PPP1R13B: variants seen among roughly 807,000 people sequenced by gnomAD.
PPP1R13B encodes protein phosphatase 1 regulatory subunit 13B.
PPP1R13B carries 44 observed loss-of-function variants against 119.8 expected under a neutral mutation model. The observed-to-expected ratio is 0.37, with a 90% CI of 0.29 to 0.47. PPP1R13B has a LOEUF of 0.47. Among genes scored for constraint, PPP1R13B ranks in the 20% least tolerant of loss-of-function variants. PPP1R13B has a pLI of 0.99. For synonymous variants in PPP1R13B, 542 were observed against 561.5 expected, an observed-to-expected ratio of 0.97 and a Z score of 0.49; for missense variants, 1,227 against 1,413.5, an observed-to-expected ratio of 0.87 and a Z score of 2.12.
chr14:103,844,021 CT>C (rs1271993147), intron 1 of PPP1R13B, among the ~76,000 whole-genome samples: 1 of 151,798 alleles, frequency 6.6e-6, no homozygotes, highest in Non-Finnish European at 1.5e-5. Flanking sequence ...AATCCCAGCA[CT>C]TTGGGAGGCT....
intron 4 of PPP1R13B, chr14:103,759,441 C>T (rs1171964741): frequency 6.6e-6 from 1 of 151,146 alleles, no homozygotes; most frequent in African/African-American, 2.4e-5. Flanking sequence ...CTAGCTAGGA[C>T]TACAGGCACA....
chr14:103,748,361 G>T (rs1397675580), intron 8 of PPP1R13B, among the ~76,000 whole-genome samples: 1 of 152,270 alleles, frequency 6.6e-6, no homozygotes, highest in East Asian at 1.9e-4. Flanking sequence ...GAGAGACTGT[G>T]ACATCCACAG....
intron 4 of PPP1R13B, among the ~76,000 whole-genome samples, chr14:103,762,587 T>G (rs1246099932): frequency 7.4e-6 from 1 of 135,536 alleles, no homozygotes; most frequent in Non-Finnish European, 1.6e-5. Flanking sequence ...ACCCTAAAAC[T>G]TAAAGTATTA....
chr14:103,736,301 GC>G lies in PPP1R13B; in HGVS notation c.3032-100del, dbSNP rs2084109801. 15 of 1,303,848 alleles carry G rather than the reference GC, an allele frequency of 1.2e-5. No homozygotes were observed. The Admixed American group carries it at 1.2e-4, about 11-fold the overall frequency. 80.8% of individuals were successfully genotyped at this position (1,303,848 alleles called of 1,614,324 possible). On this transcript the variant is annotated intron_variant, in intron 15 of 16. Coordinates refer to ENST00000202556, the MANE Select transcript of PPP1R13B (RefSeq NM_015316.3). Reference sequence around the variant, plus strand: ...ACACAGTCGTGCTGCTGCCGAGGCTGCTCTCAGCAGGCCCCACAGAGGCCAG... The same window carrying G: ...ACACAGTCGTGCTGCTGCCGAGGCTGTCTCAGCAGGCCCCACAGAGGCCAG...
At chr14:103,783,347 C>T (rs1371040171) in intron 3 of PPP1R13B, among the ~76,000 whole-genome samples, 6 of 152,024 alleles carry the variant, frequency 3.9e-5, no homozygotes, top group African/African-American at 1.2e-4. Context: ...ACAACCTCTG[C>T]CTCCCAGGTT....
chr14:103,776,855 G>C (rs8009889), intron 4 of PPP1R13B, among the ~76,000 whole-genome samples: 1 of 149,500 alleles, frequency 6.7e-6, no homozygotes, highest in Non-Finnish European at 1.5e-5. Flanking sequence ...CTGGGCGACA[G>C]AGTGAGACTC....
At position 103,842,445 on chromosome 14, in the gene PPP1R13B, G is replaced by A. The variant is rs148990417; in HGVS notation, c.9+4854C>T. ...AGTCTCCTGAGTAGCTGGGACTACA[G>A]GCACCCTCCATCACACCTGGCTAAT... On this transcript the variant is annotated intron_variant, in intron 1 of 16. Coordinates refer to ENST00000202556, the MANE Select transcript of PPP1R13B (RefSeq NM_015316.3). Among the ~76,000 whole-genome samples the A allele has an allele frequency of 5.5e-3, 835 of 151,758 alleles. 3 individuals are homozygous for A. The highest frequency in any genetic ancestry group is 8.9e-3 in the Non-Finnish European group (604 of 67,988).
chr14:103,765,112 C>T (rs1413766116), intron 4 of PPP1R13B, among the ~76,000 whole-genome samples: 1 of 152,236 alleles, frequency 6.6e-6, no homozygotes, highest in Non-Finnish European at 1.5e-5. Context: ...GCCACTGTGC[C>T]CGGCCAACAC....
At chr14:103,781,907 C>T (rs1333346657) in intron 3 of PPP1R13B, among the ~76,000 whole-genome samples, 1 of 152,168 alleles carries the variant, frequency 6.6e-6, no homozygotes, top group Non-Finnish European at 1.5e-5. Flanking sequence ...CCTCCTTGGC[C>T]TCCCACAGTG....
chr14:103,817,192 C>A (rs1406871387), intron 1 of PPP1R13B, among the ~76,000 whole-genome samples: 4 of 152,132 alleles, frequency 2.6e-5, no homozygotes, highest in Non-Finnish European at 1.5e-5. Context: ...AATTCGGGCA[C>A]TAATGACATG....
intron 4 of PPP1R13B, among the ~76,000 whole-genome samples, chr14:103,777,954 C>G (rs2152014975): frequency 7.4e-6 from 1 of 135,268 alleles, no homozygotes; most frequent in South Asian, 2.3e-4. Flanking sequence ...GCTACCACAT[C>G]TGACTTTTTT....
At chr14:103,834,598 T>C (rs1047831625) in intron 1 of PPP1R13B, among the ~76,000 whole-genome samples, 1 of 145,242 alleles carries the variant, frequency 6.9e-6, no homozygotes, top group Non-Finnish European at 1.5e-5. Context: ...TTTTTTTTTT[T>C]TTTTTTTTTG....
intron 1 of PPP1R13B, among the ~76,000 whole-genome samples, chr14:103,801,305 G>A (rs1383252830): frequency 6.6e-6 from 1 of 152,090 alleles, no homozygotes; most frequent in Non-Finnish European, 1.5e-5. Flanking sequence ...AGAGTCTAAT[G>A]TAATGATCAT....
At chr14:103,803,663 A>ATAAT (rs1049141773) in intron 1 of PPP1R13B, among the ~76,000 whole-genome samples, 3 of 150,984 alleles carry the variant, frequency 2.0e-5, no homozygotes, top group African/African-American at 4.9e-5. Context: ...AAATAAATAA[A>ATAAT]TAATTAATTA....
intron 1 of PPP1R13B, among the ~76,000 whole-genome samples, chr14:103,800,269 A>C (rs947247285): frequency 6.6e-6 from 1 of 151,334 alleles, no homozygotes; most frequent in Non-Finnish European, 1.5e-5. Context: ...TGCAGCTTAC[A>C]ATCACGCCAC....
intron 4 of PPP1R13B, among the ~76,000 whole-genome samples, chr14:103,772,802 G>A (rs1263961853): frequency 8.6e-5 from 13 of 151,916 alleles, no homozygotes; most frequent in Admixed American, 8.5e-4. Context: ...AAGTAGTTGG[G>A]ATTACAGGCG....
chr14:103,745,161 G>A (rs571749117), intron 9 of PPP1R13B, among the ~76,000 whole-genome samples: 2 of 152,336 alleles, frequency 1.3e-5, no homozygotes, highest in South Asian at 4.1e-4. Context: ...ACGGCCGTAA[G>A]GGATCTGAGT....
intron 4 of PPP1R13B, among the ~76,000 whole-genome samples, chr14:103,769,827 A>C (rs2085024676): frequency 6.6e-6 from 1 of 152,156 alleles, no homozygotes; most frequent in South Asian, 2.1e-4. Flanking sequence ...TTATCACATA[A>C]ATTATATGCT....
At chr14:103,801,937 C>T (rs2085910099) in intron 1 of PPP1R13B, among the ~76,000 whole-genome samples, 2 of 152,164 alleles carry the variant, frequency 1.3e-5, no homozygotes, top group African/African-American at 2.4e-5. Flanking sequence ...GTTACCTCTG[C>T]TCACTAACCT....
Sources: allele counts gnomAD v4.1 joint callset (sites outside exome capture counted in the v4.1 genomes callset), GRCh38; gene constraint gnomAD v4.1.1; transcripts MANE v1.5; gene names NCBI Gene and HGNC (gene_info 2026-07-23, HGNC 2026-07-21).